ITPR1: variants seen among roughly 807,000 people sequenced by gnomAD.
The protein encoded by ITPR1 is inositol 1,4,5-trisphosphate-gated calcium channel ITPR1.
ITPR1 carries 96 observed loss-of-function variants against 318.4 expected under a neutral mutation model. That is an observed-to-expected ratio of 0.30 (90% CI 0.26 to 0.36). The LOEUF (loss-of-function observed/expected upper bound fraction) is 0.36, where lower values mean the gene tolerates loss of function less well. ITPR1 is among the 10% of genes least tolerant of loss of function. The probability of loss-of-function intolerance (pLI) is 1.00; values close to 1 mark genes in which losing one functional copy is unlikely to be tolerated. For missense variants in ITPR1, 2,440 were observed against 3,460.2 expected (o/e 0.71, Z 7.40); for synonymous variants, 1,312 against 1,289.9 (o/e 1.02, Z -0.37).
chr3:4,686,241 C>T (rs2094391921), intron 30 of ITPR1, among the ~76,000 whole-genome samples: 1 of 152,172 alleles, frequency 6.6e-6, no homozygotes, highest in South Asian at 2.1e-4. Context: ...ATGCCTGTCG[C>T]CTTCTACTCC....
At chr3:4,739,557 G>C (rs867286792) in intron 44 of ITPR1, among the ~76,000 whole-genome samples, 4 of 152,202 alleles carry the variant, frequency 2.6e-5, no homozygotes, top group African/African-American at 9.6e-5. Context: ...GTGGCTCAAG[G>C]AAACAGAAAC....
intron 4 of ITPR1, among the ~76,000 whole-genome samples, chr3:4,543,476 G>A (rs1301900689): frequency 2.0e-5 from 3 of 152,090 alleles, no homozygotes; most frequent in African/African-American, 4.8e-5. Context: ...AACAAAACAG[G>A]TAATAAATAT....
chr3:4,725,920 G>A (rs1487288661), intron 41 of ITPR1, among the ~76,000 whole-genome samples: 1 of 152,128 alleles, frequency 6.6e-6, no homozygotes, highest in Non-Finnish European at 1.5e-5. Flanking sequence ...TTGACTTTGG[G>A]TCCTGTGCAG....
At chr3:4,672,274 C>T (rs2125212127) in intron 20 of ITPR1, among the ~76,000 whole-genome samples, 1 of 152,316 alleles carries the variant, frequency 6.6e-6, no homozygotes, top group East Asian at 1.9e-4. Context: ...AGACGACAAG[C>T]TTTGTTTCTT....
intron 42 of ITPR1, among the ~76,000 whole-genome samples, chr3:4,727,550 C>CCT (rs2042607236): frequency 6.6e-6 from 1 of 151,986 alleles, no homozygotes; most frequent in Non-Finnish European, 1.5e-5. Flanking sequence ...ATTACCTAGC[C>CCT]ACAAGAGCCA....
At chr3:4,572,908 A>C (rs2088183343) in intron 4 of ITPR1, among the ~76,000 whole-genome samples, 1 of 152,186 alleles carries the variant, frequency 6.6e-6, no homozygotes, top group Non-Finnish European at 1.5e-5. Context: ...GTGTTGTAGC[A>C]TGTAACATGA....
intron 4 of ITPR1, among the ~76,000 whole-genome samples, chr3:4,591,364 T>C (rs1400239832): frequency 6.6e-6 from 1 of 152,224 alleles, no homozygotes; most frequent in Non-Finnish European, 1.5e-5. Context: ...AGGGTTCCCT[T>C]TTCTCCACAA....
chr3:4,524,301 G>GT (rs56380229), intron 4 of ITPR1, among the ~76,000 whole-genome samples: 7,674 of 73,452 alleles, frequency 0.1, 1,005 homozygotes, highest in South Asian at 0.34. Context: ...ATACTTTGAC[G>GT]TTTTTTTTTT....
intron 58 of ITPR1, chr3:4,814,821 T>A: frequency 1.7e-6 from 1 of 592,950 alleles, no homozygotes; most frequent in Non-Finnish European, 3.0e-6. Context: ...GGGTTAGGCC[T>A]GATCCACCTG....
At position 4,570,431 on chromosome 3, in the gene ITPR1, A is replaced by G. The variant is rs753518872; in HGVS notation, c.163+49337A>G. Reference sequence around the variant, plus strand: ...CTGACCTAACAATTACAAGTAGACCATGTAACCACTCATTGAAGATGAATG... The same window carrying G: ...CTGACCTAACAATTACAAGTAGACCGTGTAACCACTCATTGAAGATGAATG... On this transcript the variant is annotated intron_variant, in intron 4 of 61. Coordinates refer to ENST00000649015, the MANE Select transcript of ITPR1 (RefSeq NM_001378452.1). Among the ~76,000 whole-genome samples the G allele has an allele frequency of 4.6e-5, 7 of 152,362 alleles. 1 individual carries two copies.
At chr3:4,629,848 G>A (rs1405425037) in intron 5 of ITPR1, among the ~76,000 whole-genome samples, 1 of 152,210 alleles carries the variant, frequency 6.6e-6, no homozygotes, top group Non-Finnish European at 1.5e-5. Context: ...GTAAGCCTCA[G>A]TCGGAGGCAC....
chr3:4,717,978 C>T (rs905938826), intron 40 of ITPR1, among the ~76,000 whole-genome samples: 2 of 152,180 alleles, frequency 1.3e-5, no homozygotes, highest in Non-Finnish European at 2.9e-5. Context: ...CATGGCTTCT[C>T]TTCTAGGAAA....
chr3:4,707,494 A>T (rs1040632899), intron 37 of ITPR1, among the ~76,000 whole-genome samples: 3 of 152,160 alleles, frequency 2.0e-5, no homozygotes, highest in African/African-American at 7.2e-5. Context: ...GACAAGTGAA[A>T]ACTTTATTGT....
At chr3:4,656,881 G>A (rs751267833) in intron 12 of ITPR1, among the ~76,000 whole-genome samples, 12 of 152,348 alleles carry the variant, frequency 7.9e-5, no homozygotes, top group East Asian at 5.8e-4. Context: ...GGAAAATCAC[G>A]CGATGTAGAG....
intron 51 of ITPR1, among the ~76,000 whole-genome samples, chr3:4,785,957 C>A (rs1357798610): frequency 6.6e-6 from 1 of 152,210 alleles, no homozygotes; most frequent in Admixed American, 6.5e-5. Context: ...GTGATCGATG[C>A]AAAGCCAGGG....
chr3:4,629,288 G>C (rs1009434013), intron 5 of ITPR1, among the ~76,000 whole-genome samples: 1 of 152,044 alleles, frequency 6.6e-6, no homozygotes, highest in Non-Finnish European at 1.5e-5. Context: ...GTCCTGTTGA[G>C]AACATTGTTT....
chr3:4,688,552 T>C lies in ITPR1; in HGVS notation c.3760T>C (p.Phe1254Leu), dbSNP rs2125241337. ...MRLAHEFLQN[F>L]CAGNQQNQAL... ...GTTGGCTCATGAATTTTTGCAGAATTTCTGCGCAGGCAACCAGCAGAATCA... is the reference window on the plus strand; with the variant it reads ...GTTGGCTCATGAATTTTTGCAGAATCTCTGCGCAGGCAACCAGCAGAATCA... The change falls in exon 31 of 62, where the codon TTC (phenylalanine) becomes CTC (leucine). Residue 1254 changes from phenylalanine to leucine, a missense_variant. Physicochemically the swap from Phe to Leu is conservative, Grantham distance 22. Coordinates refer to ENST00000649015, the MANE Select transcript of ITPR1 (RefSeq NM_001378452.1). The C allele has an allele frequency of 6.2e-7, 1 of 1,613,992 alleles. No individual in the cohort carries two copies. The highest frequency in any genetic ancestry group is 8.5e-7 in the Non-Finnish European group (1 of 1,179,858).
At chr3:4,684,223 A>C in intron 28 of ITPR1, 58 bp from the exon 29 acceptor site, 1 of 1,154,652 alleles carries the variant, frequency 8.7e-7, no homozygotes, top group Non-Finnish European at 1.3e-6. Context: ...TAACTGTAAA[A>C]AACTGACAGT....
intron 55 of ITPR1, among the ~76,000 whole-genome samples, chr3:4,806,469 A>G (rs1478416236): frequency 6.6e-6 from 1 of 152,190 alleles, no homozygotes; most frequent in African/African-American, 2.4e-5. Flanking sequence ...TTCAAGAGTC[A>G]CACAACCGCA....
Sources: gnomAD v4.1 joint callset for allele counts (sites outside exome capture counted in the v4.1 genomes callset) on GRCh38, gnomAD v4.1.1 for gene constraint, MANE v1.5 for transcripts, NCBI Gene and HGNC (gene_info 2026-07-23, HGNC 2026-07-21) for gene names.